Variants in MALRD1 observed in about 807,000 individuals in gnomAD.
MALRD1 encodes MAM and LDL-receptor class A domain-containing protein 1.
MALRD1 carries 247 observed loss-of-function variants against 242.1 expected under a neutral mutation model. The ratio of observed to expected loss-of-function variants is 1.02; its 90% CI spans 0.92 to 1.13. The LOEUF is 1.13. MALRD1 is among the 50% of genes most tolerant of loss of function. The probability of loss-of-function intolerance (pLI) is 0.00; values close to 1 mark genes in which losing one functional copy is unlikely to be tolerated. For missense variants in MALRD1, 2,989 were observed against 2,533.1 expected (o/e 1.18, Z -3.86); for synonymous variants, 995 against 866.6 (o/e 1.15, Z -2.60).
intron 36 of MALRD1, among the ~76,000 whole-genome samples, chr10:19,684,511 T>G (rs148746437): frequency 0.022 from 3,292 of 152,226 alleles, 60 homozygotes; most frequent in African/African-American, 0.045. Context: ...ATTCCAGCAC[T>G]TGGGGAGGCT....
intron 14 of MALRD1, among the ~76,000 whole-genome samples, chr10:19,178,652 A>G (rs1371680150): frequency 6.6e-6 from 1 of 152,210 alleles, no homozygotes; most frequent in Non-Finnish European, 1.5e-5. Flanking sequence ...TTTAAAAGCT[A>G]GTGTTGATGA....
At chr10:19,237,894 A>G (rs1177799982) in intron 18 of MALRD1, among the ~76,000 whole-genome samples, 3 of 116,678 alleles carry the variant, frequency 2.6e-5, no homozygotes, top group Non-Finnish European at 3.3e-5. Flanking sequence ...TATATACATT[A>G]TAAATAATTT....
chr10:19,687,119 T>A (rs1397889403), intron 36 of MALRD1, among the ~76,000 whole-genome samples: 6 of 152,200 alleles, frequency 3.9e-5, no homozygotes, highest in African/African-American at 1.4e-4. Context: ...AATTACATCG[T>A]ATCTAACATT....
At chr10:19,209,864 CA>C (rs1407600171) in intron 18 of MALRD1, among the ~76,000 whole-genome samples, 184 bp downstream of exon 18, 1 of 152,092 alleles carries the variant, frequency 6.6e-6, no homozygotes, top group African/African-American at 2.4e-5. Flanking sequence ...TGACTACCCC[CA>C]ATGATGTAAG....
chr10:19,560,949 A>G (rs1835937104), intron 32 of MALRD1, among the ~76,000 whole-genome samples: 1 of 152,188 alleles, frequency 6.6e-6, no homozygotes, highest in African/African-American at 2.4e-5. Context: ...CCCAAAACTT[A>G]AAGTATAATA....
intron 36 of MALRD1, among the ~76,000 whole-genome samples, chr10:19,618,838 G>A (rs1471033555): frequency 6.6e-6 from 1 of 151,902 alleles, no homozygotes; most frequent in Non-Finnish European, 1.5e-5. Context: ...GGATATCACT[G>A]CCCATGCCTG....
intron 33 of MALRD1, among the ~76,000 whole-genome samples, chr10:19,589,973 C>T (rs980811290): frequency 6.6e-6 from 1 of 152,146 alleles, no homozygotes; most frequent in African/African-American, 2.4e-5. Flanking sequence ...ACTGTCAGGA[C>T]CGACCTTATA....
intron 19 of MALRD1, among the ~76,000 whole-genome samples, chr10:19,274,470 G>A (rs1224568197): frequency 1.3e-5 from 2 of 152,144 alleles, no homozygotes; most frequent in Non-Finnish European, 2.9e-5. Context: ...TAAAAAGACA[G>A]GAGAGAGCTT....
At position 19,108,697 on chromosome 10, in the gene MALRD1, G is replaced by A. The variant is rs1473766817; in HGVS notation, c.694+4622G>A. 7.5e-5 allele frequency among the ~76,000 whole-genome samples: 2 copies of A among 26,698 alleles called. 1 individual carries two copies. The highest frequency in any genetic ancestry group is 8.5e-4 in the Admixed American group (2 of 2,340). 17.5% of individuals were successfully genotyped at this position (26,698 alleles called of 152,430 possible). A position where few individuals can be genotyped will look rare whatever the true frequency, so the allele number is the denominator to read the frequency against. ...CTCCCAAAGTGCTGGGATTACAGGCGTGAGCCACCGCGCCCGGCCGTTTTT... is the reference window on the plus strand; with the variant it reads ...CTCCCAAAGTGCTGGGATTACAGGCATGAGCCACCGCGCCCGGCCGTTTTT... On this transcript the variant is annotated intron_variant, in intron 5 of 39. Transcript: ENST00000454679.
chr10:19,140,396 TTA>T (rs1833495859), intron 10 of MALRD1, among the ~76,000 whole-genome samples: 1 of 152,174 alleles, frequency 6.6e-6, no homozygotes, highest in Non-Finnish European at 1.5e-5. Context: ...TTGATGTTTA[TTA>T]ACATAATCCT....
chr10:19,379,598 A>G (rs948471486), intron 26 of MALRD1, among the ~76,000 whole-genome samples: 3 of 152,158 alleles, frequency 2.0e-5, no homozygotes, highest in Non-Finnish European at 4.4e-5. Flanking sequence ...CAGATACCTA[A>G]TTTGATACTG....
At chr10:19,400,265 C>T (rs1379388834) in intron 28 of MALRD1, among the ~76,000 whole-genome samples, 3 of 152,114 alleles carry the variant, frequency 2.0e-5, no homozygotes, top group Admixed American at 6.6e-5. Flanking sequence ...ATTCTGAAGT[C>T]GTCCTTTTCC....
chr10:19,518,413 T>A (rs1379249705), intron 31 of MALRD1, among the ~76,000 whole-genome samples: 5 of 152,220 alleles, frequency 3.3e-5, no homozygotes, highest in Non-Finnish European at 7.3e-5. Context: ...CCAATGACAT[T>A]CTTAATTTTA....
rs186710809 is a variant in MALRD1, at chr10:19,413,806, A to G, written c.4845+24197A>G. ...AGACCAGCCTGGCCAATATGGTGAA[A>G]CACCATCTCTGGCGGGTACCTGTAG... is the stretch of plus-strand genomic sequence containing the variant. On this transcript the variant is annotated intron_variant, in intron 28 of 39. Transcript: ENST00000454679. Among the ~76,000 whole-genome samples, 13 of 151,882 alleles carry G rather than the reference A, an allele frequency of 8.6e-5. No homozygotes were observed. In the East Asian group the frequency reaches 2.3e-3, roughly 27 times the overall value.
At chr10:19,148,773 TAA>T (rs1174673634) in intron 11 of MALRD1, among the ~76,000 whole-genome samples, 1,522 of 114,426 alleles carry the variant, frequency 0.013, 28 homozygotes, top group East Asian at 0.04. Context: ...AAGGGCCAAT[TAA>T]AAAAAAAAAA....
intron 38 of MALRD1, among the ~76,000 whole-genome samples, chr10:19,729,718 A>ATTTTTT (rs1347221983): frequency 5.1e-5 from 5 of 98,996 alleles, no homozygotes; most frequent in Non-Finnish European, 6.1e-5. Context: ...AAGTCTATTA[A>ATTTTTT]TTCTTTTTTT....
In MALRD1 at chr10:19,267,971, T is replaced by C. The variant is rs186571318; in HGVS notation, c.3079+10200T>C. Among the ~76,000 whole-genome samples, 37 of 152,264 alleles carry C rather than the reference T, an allele frequency of 2.4e-4. No homozygotes were observed. The East Asian group carries it at 5.4e-3, about 22-fold the overall frequency. On this transcript the variant is annotated intron_variant, in intron 19 of 39. Coordinates refer to ENST00000454679, the MANE Select transcript of MALRD1 (RefSeq NM_001142308.3). The stretch of plus-strand genomic sequence containing the variant: ...TTCAATTAACAGTTTTATTGTGTTC[T>C]TAGAAAATAAAATTGAACAAATTAT...
chr10:19,618,606 T>C (rs2131616785), intron 36 of MALRD1, among the ~76,000 whole-genome samples: 1 of 152,234 alleles, frequency 6.6e-6, no homozygotes, highest in South Asian at 2.1e-4. Flanking sequence ...TTTTTTCATA[T>C]GCTTATTGGC....
chr10:19,286,974 G>C (rs1040642757), intron 21 of MALRD1, among the ~76,000 whole-genome samples: 2 of 151,520 alleles, frequency 1.3e-5, no homozygotes, highest in African/African-American at 4.9e-5. Flanking sequence ...TATCCACCAT[G>C]ATCAAGTGGG....
Sources: allele counts gnomAD v4.1 joint callset (sites outside exome capture counted in the v4.1 genomes callset), GRCh38; gene constraint gnomAD v4.1.1; transcripts MANE v1.5; gene names NCBI Gene and HGNC (gene_info 2026-07-23, HGNC 2026-07-21).